GDAP1: variants seen among roughly 807,000 people sequenced by gnomAD.
GDAP1 encodes the protein ganglioside-induced differentiation-associated protein 1.
In GDAP1, 34 loss-of-function variants were observed where a neutral mutation model predicts 40.1. The ratio of observed to expected loss-of-function variants is 0.85; its 90% confidence interval spans 0.64 to 1.13. GDAP1 has a LOEUF of 1.13. Ranked by LOEUF, GDAP1 falls within the 50% of genes most tolerant of loss-of-function variation. The pLI, the probability that GDAP1 is intolerant of heterozygous loss-of-function variation, is 0.00. For missense variants in GDAP1, 374 were observed against 433.7 expected (o/e 0.86, Z 1.22); for synonymous variants, 170 against 157.4 (o/e 1.08, Z -0.60).
At chr8:74,401,739 A>T (rs971639897) in intron 2 of GDAP1, among the ~76,000 whole-genome samples, 1 of 149,784 alleles carries the variant, frequency 6.7e-6, no homozygotes, top group East Asian at 1.9e-4. Flanking sequence ...TTTGGTGTGG[A>T]TGTCCTTTCT....
At chr8:74,382,088 G>A (rs1586816316) in intron 2 of GDAP1, among the ~76,000 whole-genome samples, 1 of 151,852 alleles carries the variant, frequency 6.6e-6, no homozygotes, top group African/African-American at 2.4e-5. Flanking sequence ...GGTTTTCTTG[G>A]TACTATTATG....
chr8:74,397,731 C>A (rs1047151629), intron 2 of GDAP1, among the ~76,000 whole-genome samples: 3 of 152,000 alleles, frequency 2.0e-5, no homozygotes, highest in Non-Finnish European at 4.4e-5. Context: ...GTTTTGGTAC[C>A]AGTACCATGC....
intron 2 of GDAP1, among the ~76,000 whole-genome samples, chr8:74,484,809 C>T (rs1326695839): frequency 6.6e-6 from 1 of 152,050 alleles, no homozygotes; most frequent in African/African-American, 2.4e-5. Context: ...CCTAAAAGTC[C>T]ATAAACCTAG....
intron 2 of GDAP1, among the ~76,000 whole-genome samples, chr8:74,356,774 G>T (rs2131506408): frequency 6.8e-6 from 1 of 146,746 alleles, no homozygotes; most frequent in East Asian, 2.0e-4. Context: ...GAGTGCAGTG[G>T]CGCAATCTCG....
intron 2 of GDAP1, among the ~76,000 whole-genome samples, chr8:74,422,224 C>T (rs1296189952): frequency 3.4e-5 from 4 of 118,162 alleles, no homozygotes; most frequent in African/African-American, 1.1e-4. Flanking sequence ...TTCTTTCTTT[C>T]CCTTCCTTCC....
chr8:74,411,857 G>C (rs1223941402), intron 2 of GDAP1, among the ~76,000 whole-genome samples: 1 of 149,302 alleles, frequency 6.7e-6, no homozygotes, highest in Non-Finnish European at 1.5e-5. Context: ...CCTCCAGTCT[G>C]AGCAATGGAG....
chr8:74,384,995 A>G (rs998236235), intron 2 of GDAP1, among the ~76,000 whole-genome samples: 5 of 152,176 alleles, frequency 3.3e-5, no homozygotes, highest in African/African-American at 1.2e-4. Flanking sequence ...AGCAAATAAT[A>G]TGGATGCTAA....
chr8:74,358,816 T>C (rs1809222847), intron 2 of GDAP1, among the ~76,000 whole-genome samples: 1 of 152,218 alleles, frequency 6.6e-6, no homozygotes, highest in Non-Finnish European at 1.5e-5. Flanking sequence ...TAGGGAATAA[T>C]TGTATCTCTA....
chr8:74,429,239 A>G (rs1805996160), intron 2 of GDAP1, among the ~76,000 whole-genome samples: 3 of 152,204 alleles, frequency 2.0e-5, no homozygotes, highest in South Asian at 4.1e-4. Context: ...CAGTAATGGG[A>G]TGGCTGGATC....
At chr8:74,447,483 C>T (rs1047493141) in intron 2 of GDAP1, among the ~76,000 whole-genome samples, 3 of 152,048 alleles carry the variant, frequency 2.0e-5, no homozygotes, top group Non-Finnish European at 2.9e-5. Flanking sequence ...GCCGATGTGA[C>T]GCCACAAGTG....
chr8:74,446,507 A>G (rs1447396719), intron 2 of GDAP1, among the ~76,000 whole-genome samples: 2 of 152,146 alleles, frequency 1.3e-5, no homozygotes, highest in Admixed American at 1.3e-4. Flanking sequence ...TCTCTAAAAA[A>G]CAGTTTATCT....
chr8:74,360,440 G>T, intron 3 of GDAP1, 130 bp downstream of exon 3: 1 of 791,136 alleles, frequency 1.3e-6, no homozygotes. Flanking sequence ...TCATGGATGT[G>T]CATGTTATGG....
chr8:74,449,634 G>C (rs531766198), intron 2 of GDAP1, among the ~76,000 whole-genome samples: 6 of 151,424 alleles, frequency 4.0e-5, no homozygotes, highest in Non-Finnish European at 8.9e-5. Flanking sequence ...TTTCAATATG[G>C]CACAGTATTG....
rs1809508613 is a variant in GDAP1, at chr8:74,364,162, A to G, written c.872A>G (p.Lys291Arg). The stretch of plus-strand genomic sequence containing the variant: ...GTCTTGAAGAGAAAAACATTTAACA[A>G]GGTTTTAGGACATGTCAACAATATA... ...ERVLKRKTFN[K>R]VLGHVNNILI... The change falls in exon 6 of 6, where the codon AAG (lysine) becomes AGG (arginine). Residue 291 changes from lysine to arginine, a missense_variant. Lys to Arg is a conservative substitution (Grantham distance 26). Transcript: ENST00000220822. 1 of 1,614,144 alleles carries G rather than the reference A, an allele frequency of 6.2e-7. No individual in the cohort carries two copies.
At chr8:74,387,734 T>G (rs1229690837) in intron 2 of GDAP1, among the ~76,000 whole-genome samples, 2 of 152,204 alleles carry the variant, frequency 1.3e-5, no homozygotes, top group Non-Finnish European at 2.9e-5. Context: ...TTTGATTGTT[T>G]GGAGTAGTTT....
At chr8:74,374,495 G>A (rs183260065) in intron 2 of GDAP1, among the ~76,000 whole-genome samples, 67 of 150,628 alleles carry the variant, frequency 4.4e-4, no homozygotes, top group African/African-American at 1.3e-3. Context: ...CCCAAAATAA[G>A]TAGAAGGAAA....
intron 2 of GDAP1, among the ~76,000 whole-genome samples, chr8:74,377,591 C>T (rs1809878891): frequency 6.6e-6 from 1 of 152,126 alleles, no homozygotes; most frequent in South Asian, 2.1e-4. Context: ...TTTATATCTA[C>T]TAGACTGGGT....
intron 2 of GDAP1, among the ~76,000 whole-genome samples, chr8:74,469,485 G>A (rs1374705544): frequency 6.6e-6 from 1 of 151,624 alleles, no homozygotes; most frequent in Middle Eastern, 3.2e-3. Context: ...TGGCTAACAC[G>A]ATGAAACCCC....
At chr8:74,472,796 C>G (rs1586845918) in intron 2 of GDAP1, among the ~76,000 whole-genome samples, 1 of 151,382 alleles carries the variant, frequency 6.6e-6, no homozygotes, top group East Asian at 1.9e-4. Flanking sequence ...GTTGCCCAGG[C>G]TGCAGGGCAG....
Sources: gnomAD v4.1 joint callset for allele counts (sites outside exome capture counted in the v4.1 genomes callset) on GRCh38, gnomAD v4.1.1 for gene constraint, MANE v1.5 for transcripts, NCBI Gene and HGNC (gene_info 2026-07-23, HGNC 2026-07-21) for gene names.